Variants in LRRC4C observed in about 807,000 individuals in gnomAD.
LRRC4C encodes leucine rich repeat containing 4C.
In LRRC4C, 5 loss-of-function variants were observed where a neutral mutation model predicts 33.6. That is an observed-to-expected ratio of 0.15 (90% confidence interval 0.08 to 0.31). The LOEUF is 0.31. Among genes scored for constraint, LRRC4C ranks in the 10% least tolerant of loss-of-function variants. The pLI, the probability that LRRC4C is intolerant of heterozygous loss-of-function variation, is 1.00. For missense variants in LRRC4C, 560 were observed against 796.7 expected (o/e 0.70, Z 3.58); for synonymous variants, 329 against 302.0 (o/e 1.09, Z -0.93).
intron 1 of LRRC4C, among the ~76,000 whole-genome samples, chr11:41,011,730 C>T (rs1389435582): frequency 1.3e-5 from 2 of 150,670 alleles, no homozygotes; most frequent in South Asian, 2.1e-4. Context: ...ATCTAGACTC[C>T]ATCATTTACA....
chr11:40,224,780 A>T (rs1432936190), intron 5 of LRRC4C, among the ~76,000 whole-genome samples: 1 of 152,204 alleles, frequency 6.6e-6, no homozygotes, highest in Non-Finnish European at 1.5e-5. Context: ...TCTTAATTGG[A>T]GTCATCAATG....
chr11:41,339,593 C>G (rs1489351962), intron 1 of LRRC4C, among the ~76,000 whole-genome samples: 1 of 152,106 alleles, frequency 6.6e-6, no homozygotes. Context: ...GTTTAATTTC[C>G]ATGGGAACAG....
chr11:41,021,196 AGAGAGAGAGAGAGAGAGAGT>A (rs1445599395), intron 1 of LRRC4C, among the ~76,000 whole-genome samples: 9 of 55,752 alleles, frequency 1.6e-4, no homozygotes, highest in African/African-American at 5.3e-4. Context: ...AGAGAGAGAG[AGAGAGAGAGAGAGAGAGAGT>A]GTGTGTGTGT....
intron 1 of LRRC4C, among the ~76,000 whole-genome samples, chr11:41,398,709 CTAA>C (rs1953914131): frequency 6.6e-6 from 1 of 151,802 alleles, no homozygotes; most frequent in African/African-American, 2.4e-5. Flanking sequence ...AAGTAAATTG[CTAA>C]TAATATTGAC....
In LRRC4C at chr11:40,614,856, G is replaced by A. The variant is rs140630141; in HGVS notation, c.-270+33286C>T. On this transcript the variant is annotated intron_variant, in intron 3 of 6. Coordinates refer to ENST00000528697, the MANE Select transcript of LRRC4C (RefSeq NM_001258419.2). ...GTCAGATGGAACACACACAACATTT[G>A]TCAATTAAGTTTACCATTTTGTATG... Among the ~76,000 whole-genome samples, 78 of 151,748 alleles carry A rather than the reference G, an allele frequency of 5.1e-4. No individual in the cohort carries two copies. The East Asian group carries it at 0.012, about 23-fold the overall frequency.
intron 1 of LRRC4C, among the ~76,000 whole-genome samples, chr11:41,356,571 G>A (rs1404179042): frequency 2.0e-5 from 3 of 152,056 alleles, no homozygotes; most frequent in Admixed American, 6.6e-5. Context: ...ATTTTGGATC[G>A]TGGACTTCTA....
At chr11:40,144,993 T>C (rs1857622423) in intron 5 of LRRC4C, among the ~76,000 whole-genome samples, 1 of 152,186 alleles carries the variant, frequency 6.6e-6, no homozygotes, top group Non-Finnish European at 1.5e-5. Flanking sequence ...ACCAGTGTGC[T>C]AGTTTTCCAA....
chr11:40,359,180 A>T (rs570798307), intron 3 of LRRC4C, among the ~76,000 whole-genome samples: 1 of 152,334 alleles, frequency 6.6e-6, no homozygotes, highest in African/African-American at 2.4e-5. Context: ...AAAGAAGTTG[A>T]GATACATGTG....
chr11:40,913,917 C>T lies in LRRC4C; in HGVS notation c.-407+19718G>A, dbSNP rs201031283. Among the ~76,000 whole-genome samples, 13 of 152,304 alleles carry T rather than the reference C, an allele frequency of 8.5e-5. No homozygotes were observed. The East Asian group carries it at 2.5e-3, about 29-fold the overall frequency. ...AACTACCATCGGAGAATACTATAAA[C>T]ACCTCTATGCAAATAAACTGGAAAA... On this transcript the variant is annotated intron_variant, in intron 2 of 6. Transcript: ENST00000528697.
intron 1 of LRRC4C, among the ~76,000 whole-genome samples, chr11:41,142,391 T>C (rs1484638973): frequency 1.3e-5 from 2 of 152,150 alleles, no homozygotes; most frequent in Non-Finnish European, 2.9e-5. Flanking sequence ...CTCTCAGAAA[T>C]TTTGATTCAC....
intron 2 of LRRC4C, among the ~76,000 whole-genome samples, chr11:40,735,906 C>G (rs993184178): frequency 5.9e-5 from 9 of 151,366 alleles, no homozygotes; most frequent in Non-Finnish European, 1.3e-4. Flanking sequence ...TCTCTGATGG[C>G]CAGTGATGGT....
chr11:40,280,539 A>G (rs774460357), intron 4 of LRRC4C, among the ~76,000 whole-genome samples: 11 of 152,154 alleles, frequency 7.2e-5, no homozygotes, highest in Non-Finnish European at 1.2e-4. Flanking sequence ...TTGGCAGGAA[A>G]GTAAGCTAAA....
intron 2 of LRRC4C, among the ~76,000 whole-genome samples, chr11:40,750,423 G>A (rs1035983964): frequency 1.3e-5 from 2 of 151,898 alleles, no homozygotes; most frequent in African/African-American, 4.8e-5. Context: ...AACAATGATA[G>A]ACTGGATTAA....
chr11:41,441,132 A>G (rs1487808660), intron 1 of LRRC4C, among the ~76,000 whole-genome samples: 1 of 152,180 alleles, frequency 6.6e-6, no homozygotes, highest in Non-Finnish European at 1.5e-5. Flanking sequence ...CTGCATAGAA[A>G]TTTAGACCTA....
At chr11:40,279,145 T>C (rs940988116) in intron 4 of LRRC4C, among the ~76,000 whole-genome samples, 1 of 152,188 alleles carries the variant, frequency 6.6e-6, no homozygotes, top group Non-Finnish European at 1.5e-5. Flanking sequence ...CCATGTACTG[T>C]AGGACTTTTC....
At chr11:40,788,902 C>T (rs1006582054) in intron 2 of LRRC4C, among the ~76,000 whole-genome samples, 1 of 151,946 alleles carries the variant, frequency 6.6e-6, no homozygotes, top group South Asian at 2.1e-4. Context: ...ACCATCCTGG[C>T]TAACATGGTG....
At chr11:41,241,468 G>A (rs1285289798) in intron 1 of LRRC4C, among the ~76,000 whole-genome samples, 1 of 152,066 alleles carries the variant, frequency 6.6e-6, no homozygotes, top group African/African-American at 2.4e-5. Flanking sequence ...GATTGTAGGA[G>A]GAAGTCAAAA....
At chr11:40,228,418 C>G (rs994189196) in intron 5 of LRRC4C, among the ~76,000 whole-genome samples, 1 of 151,858 alleles carries the variant, frequency 6.6e-6, no homozygotes, top group Non-Finnish European at 1.5e-5. Flanking sequence ...TCATGTGCAG[C>G]CTTTTTATGA....
chr11:40,291,233 A>AGGT (rs1195790357), intron 4 of LRRC4C, among the ~76,000 whole-genome samples: 1 of 152,262 alleles, frequency 6.6e-6, no homozygotes, highest in African/African-American at 2.4e-5. Flanking sequence ...GGAGGAGGGA[A>AGGT]GGTGATCCTA....
Sources: allele counts gnomAD v4.1 joint callset (sites outside exome capture counted in the v4.1 genomes callset), GRCh38; gene constraint gnomAD v4.1.1; transcripts MANE v1.5; gene names NCBI Gene and HGNC (gene_info 2026-07-23, HGNC 2026-07-21).